Variants in ENTPD1 observed in about 807,000 individuals in gnomAD.
ENTPD1 encodes ATP diphosphohydrolase.
In ENTPD1, 33 loss-of-function variants were observed where a neutral mutation model predicts 57.0. That is an observed-to-expected ratio of 0.58 (90% CI 0.44 to 0.77). ENTPD1 has a LOEUF of 0.77. ENTPD1 is among the 30% of genes least tolerant of loss of function. The pLI is 0.00. For missense variants in ENTPD1, 501 were observed against 603.4 expected (o/e 0.83, Z 1.78); for synonymous variants, 202 against 218.8 (o/e 0.92, Z 0.68).
intron 1 of ENTPD1, among the ~76,000 whole-genome samples, chr10:95,750,309 A>C (rs1297974377): frequency 6.6e-6 from 1 of 152,128 alleles, no homozygotes; most frequent in East Asian, 1.9e-4. Flanking sequence ...TGTGATCCCC[A>C]ATGTTGGAGG....
intron 7 of ENTPD1, among the ~76,000 whole-genome samples, chr10:95,852,729 T>A (rs1015613387): frequency 5.3e-5 from 8 of 152,204 alleles, no homozygotes; most frequent in Non-Finnish European, 1.0e-4. Flanking sequence ...TTGTCAAAGA[T>A]CGGATAGTTG....
At chr10:95,708,454 C>T (rs527941092), upstream of ENTPD1, among the ~76,000 whole-genome samples, 184 of 152,088 alleles carry the variant, frequency 1.2e-3, no homozygotes, top group Non-Finnish European at 1.5e-3. Context: ...CCTTGTGATC[C>T]GCCTGCCTCA....
intron 7 of ENTPD1, among the ~76,000 whole-genome samples, chr10:95,859,128 T>C (rs777979640): frequency 5.9e-5 from 9 of 152,186 alleles, no homozygotes; most frequent in Non-Finnish European, 1.3e-4. Flanking sequence ...CTCACACTTA[T>C]GTTATTAGAT....
chr10:95,843,350 T>C lies in ENTPD1; in HGVS notation c.413+856T>C, dbSNP rs185595762. ...TCAGAGGACTGTAAGTAGTTCTGCA[T>C]AGATAGAAGATAGGTAAGTAGTGTA... On this transcript the variant is annotated intron_variant, in intron 4 of 9. Coordinates refer to ENST00000371205, the MANE Select transcript of ENTPD1 (RefSeq NM_001776.6). 2.0e-5 allele frequency: 3 copies of C among 152,296 alleles called. No individual in the cohort carries two copies. The East Asian group carries it at 5.8e-4, about 29-fold the overall frequency. The allele number at this position is 152,296 out of a possible 1,614,324, so 9.4% of individuals were successfully genotyped here.
At position 95,797,395 on chromosome 10, in the gene ENTPD1, G is replaced by T. The variant is rs182878687; in HGVS notation, c.17-25842G>T. ...GGGAATCACGGCCATAAAGACTGGGGACTTGTCATCATAGAGATTAGGAAG... is the reference window on the plus strand; with the variant it reads ...GGGAATCACGGCCATAAAGACTGGGTACTTGTCATCATAGAGATTAGGAAG... On this transcript the variant is annotated intron_variant, in intron 1 of 9. Coordinates refer to ENST00000371205, the MANE Select transcript of ENTPD1 (RefSeq NM_001776.6). Among the ~76,000 whole-genome samples the T allele has an allele frequency of 4.5e-3, 686 of 152,280 alleles. 3 individuals are homozygous for T. Among genetic ancestry groups the T allele is most frequent in the Non-Finnish European group, 7.4e-3 (503 of 68,026 alleles).
chr10:95,786,426 G>C (rs1051746365), intron 1 of ENTPD1, among the ~76,000 whole-genome samples: 1 of 152,188 alleles, frequency 6.6e-6, no homozygotes, highest in African/African-American at 2.4e-5. Context: ...AAGGTTGAAG[G>C]AGACGCAGGT....
chr10:95,805,797 T>C (rs893822980), intron 1 of ENTPD1, among the ~76,000 whole-genome samples: 5 of 152,244 alleles, frequency 3.3e-5, no homozygotes, highest in Non-Finnish European at 7.3e-5. Flanking sequence ...ATTCTTTTCT[T>C]TAAGAATGTT....
intron 7 of ENTPD1, among the ~76,000 whole-genome samples, chr10:95,857,184 G>A (rs886395591): frequency 2.6e-5 from 4 of 152,186 alleles, no homozygotes; most frequent in African/African-American, 9.7e-5. Flanking sequence ...GTCTTGGGGG[G>A]TTGGAGGTGG....
chr10:95,773,325 A>G (rs549953770), intron 1 of ENTPD1, among the ~76,000 whole-genome samples: 9 of 152,228 alleles, frequency 5.9e-5, no homozygotes, highest in Non-Finnish European at 1.0e-4. Flanking sequence ...TTGTATTAGC[A>G]GGCATGAAAA....
chr10:95,808,538 C>A (rs2098282273), intron 1 of ENTPD1, among the ~76,000 whole-genome samples: 1 of 152,042 alleles, frequency 6.6e-6, no homozygotes, highest in South Asian at 2.1e-4. Flanking sequence ...ATTGACATGG[C>A]AAGACAGCTT....
chr10:95,870,698 C>G lies in ENTPD1; in HGVS notation c.*4315C>G. ...TGAACTGAGTTTCACCCAAACTGGTCTGGCCCCTCTCTGATTCAAATACCA... is the reference window on the plus strand; with the variant it reads ...TGAACTGAGTTTCACCCAAACTGGTGTGGCCCCTCTCTGATTCAAATACCA... On this transcript the variant is annotated 3_prime_UTR_variant, in exon 10 of 10. Coordinates refer to ENST00000371205, the MANE Select transcript of ENTPD1 (RefSeq NM_001776.6). 1.0e-6 allele frequency: 1 copy of G among 985,474 alleles called. No homozygotes were observed. The allele number at this position is 985,474 out of a possible 1,614,324, so 61.0% of individuals were successfully genotyped here.
chr10:95,844,383 C>T (rs2098429571), intron 4 of ENTPD1, 93 bp from the exon 5 acceptor site: 1 of 1,555,826 alleles, frequency 6.4e-7, no homozygotes, highest in Non-Finnish European at 8.8e-7. Flanking sequence ...TGGTTCACTT[C>T]TTAGTAGCAC....
intron 1 of ENTPD1, among the ~76,000 whole-genome samples, chr10:95,761,278 A>G (rs1159492570): frequency 6.6e-6 from 1 of 152,188 alleles, no homozygotes; most frequent in Non-Finnish European, 1.5e-5. Flanking sequence ...GTGTGTGTGC[A>G]TATGTTCTGA....
At chr10:95,752,027 A>G (rs1035360921), upstream of ENTPD1, among the ~76,000 whole-genome samples, 139 of 152,334 alleles carry the variant, frequency 9.1e-4, no homozygotes, top group Middle Eastern at 3.4e-3. Context: ...CAGATGGAGG[A>G]GGAAAATCAG....
intron 1 of ENTPD1, among the ~76,000 whole-genome samples, chr10:95,720,602 C>T (rs919989433): frequency 2.6e-5 from 4 of 152,102 alleles, no homozygotes; most frequent in East Asian, 1.9e-4. Flanking sequence ...CAAACATACC[C>T]GGGGCTCTGT....
chr10:95,855,340 G>A (rs535596016), intron 7 of ENTPD1, among the ~76,000 whole-genome samples: 6 of 151,876 alleles, frequency 4.0e-5, no homozygotes, highest in South Asian at 2.1e-4. Flanking sequence ...CTCTGCACAC[G>A]AGATGGGTTT....
At chr10:95,788,282 G>T (rs916018795) in intron 1 of ENTPD1, among the ~76,000 whole-genome samples, 1 of 152,066 alleles carries the variant, frequency 6.6e-6, no homozygotes, top group Admixed American at 6.6e-5. Flanking sequence ...AATGGTAGAC[G>T]AATTCTCATG....
At chr10:95,702,826 A>G in the ENTPD1 span, among the ~76,000 whole-genome samples, 3 of 152,204 alleles carry the variant, frequency 2.0e-5, no homozygotes. Context: ...TCTGTCGCCC[A>G]TGCTGGAGTG....
intron 1 of ENTPD1, among the ~76,000 whole-genome samples, chr10:95,763,814 A>AGGC (rs2098077141): frequency 6.6e-6 from 1 of 152,262 alleles, no homozygotes. Context: ...GTTAACACAC[A>AGGC]GGCTTATAGT....
Sources: gnomAD v4.1 joint callset for allele counts (sites outside exome capture counted in the v4.1 genomes callset) on GRCh38, gnomAD v4.1.1 for gene constraint, MANE v1.5 for transcripts, NCBI Gene and HGNC (gene_info 2026-07-23, HGNC 2026-07-21) for gene names.